The following GUCA2A variants were observed in gnomAD, a reference collection of about 807,000 sequenced individuals.
GUCA2A encodes the protein guanylin.
GUCA2A carries 17 observed loss-of-function variants against 11.2 expected under a neutral mutation model. The observed-to-expected ratio is 1.52, with a 90% CI of 1.04 to 2.28. The LOEUF (loss-of-function observed/expected upper bound fraction) is 2.28, where lower values mean the gene tolerates loss of function less well. Ranked by LOEUF, GUCA2A falls within the 30% of genes most tolerant of loss-of-function variation. The pLI is 0.00. For synonymous variants in GUCA2A, 64 were observed against 57.1 expected, an observed-to-expected ratio of 1.12 and a Z score of -0.54; for missense variants, 173 against 139.3, an observed-to-expected ratio of 1.24 and a Z score of -1.22.
chr1:42,164,167 C>T (rs1646142564), intron 1 of GUCA2A, among the ~76,000 whole-genome samples: 1 of 152,268 alleles, frequency 6.6e-6, no homozygotes, highest in Non-Finnish European at 1.5e-5. Flanking sequence ...TCTGTCAGGA[C>T]CTCCAGGGTG....
At chr1:42,163,085 C>G (rs1646136744) in intron 2 of GUCA2A, 115 bp from the exon 3 acceptor site, 15 of 824,738 alleles carry the variant, frequency 1.8e-5, no homozygotes, top group Non-Finnish European at 2.8e-5. Flanking sequence ...TCAGCAGGCC[C>G]GTACTCTGAC....
rs749000752 is a variant in GUCA2A at position 42,163,563 on chromosome 1, G to T, written c.123C>A (p.Asp41Glu). Residue 41 changes from aspartate to glutamate, a missense_variant, in exon 2 of 3, where the codon GAC (aspartate) becomes GAA (glutamate). Asp to Glu is a conservative substitution (Grantham distance 45). Transcript: ENST00000357001. ...FSLESVKKLK[D>E]LQEPQEPRVG... The stretch of plus-strand genomic sequence containing the variant: ...CCCTGGGCTCCTGGGGCTCCTGGAG[G>T]TCTTTGAGCTTCTTCACTGACTCCA... The T allele has an allele frequency of 6.2e-7, 1 of 1,613,630 alleles. No homozygotes were observed. The highest frequency in any genetic ancestry group is 2.2e-5 in the East Asian group (1 of 44,862).
At chr1:42,162,998 G>C (rs376534107) in intron 2 of GUCA2A, 28 bp from the exon 3 acceptor site, 72 of 1,593,704 alleles carry the variant, frequency 4.5e-5, no homozygotes, top group Non-Finnish European at 5.4e-5. Flanking sequence ...AGCCTCGTGA[G>C]AACCAGCATT....
At chr1:42,163,903 A>C (rs572839904) in intron 1 of GUCA2A, among the ~76,000 whole-genome samples, 11 of 152,346 alleles carry the variant, frequency 7.2e-5, no homozygotes, top group African/African-American at 2.6e-4. Context: ...AGTAGGAGCC[A>C]GTGTGCTGAT....
Position 42,164,625 on chromosome 1 carries a change from A to G in GUCA2A, c.75+13T>C. The G allele has an allele frequency of 6.6e-7, 1 of 1,517,400 alleles. No individual in the cohort carries two copies. Among genetic ancestry groups the G allele is most frequent in the East Asian group, 2.5e-5 (1 of 40,762 alleles). 94.0% of individuals were successfully genotyped at this position (1,517,400 alleles called of 1,614,324 possible). A position where few individuals can be genotyped will look rare whatever the true frequency, so the allele number is the denominator to read the frequency against. On this transcript the variant is annotated intron_variant, in intron 1 of 2. Coordinates refer to ENST00000357001, the MANE Select transcript of GUCA2A (RefSeq NM_033553.3). ...GGGAGCCAGCTGGGCCGGGGTAGGG[A>G]CACAGGACTCACCTGCACGGTGACC...
Position 42,163,534 on chromosome 1 carries a change from C to G in GUCA2A, c.152G>C (p.Gly51Ala), listed in dbSNP as rs765741878. The G allele has an allele frequency of 1.1e-5, 18 of 1,613,664 alleles. No individual in the cohort carries two copies. The highest frequency in any genetic ancestry group is 1.4e-5 in the Non-Finnish European group (17 of 1,179,704). ...GATGGGTGCAAAGTTCCTGAGTTTC[C>G]CAACCCTGGGCTCCTGGGGCTCCTG... ...DLQEPQEPRV[G>A]KLRNFAPIPG... The change falls in exon 2 of 3, where the codon GGG (glycine) becomes GCG (alanine). Residue 51 changes from glycine (G) to alanine (A), a missense_variant. Transcript: ENST00000357001.
Position 42,163,542 on chromosome 1 carries a change from GGGCTCCTGGGGC to G in GUCA2A, c.132_143del (p.Glu44_Pro48delinsAsp). On this transcript the variant is annotated inframe_deletion, in exon 2 of 3. Transcript: ENST00000357001. Reference sequence around the variant, plus strand: ...CAAAGTTCCTGAGTTTCCCAACCCTGGGCTCCTGGGGCTCCTGGAGGTCTTTGAGCTTCTTCA... The same window carrying G: ...CAAAGTTCCTGAGTTTCCCAACCCTGTCCTGGAGGTCTTTGAGCTTCTTCA... 6.2e-7 allele frequency: 1 copy of G among 1,613,394 alleles called. No individual in the cohort carries two copies. The highest frequency in any genetic ancestry group is 8.5e-7 in the Non-Finnish European group (1 of 1,179,352).
At position 42,163,374 on chromosome 1, in the gene GUCA2A, A is replaced by G. The variant is rs765797714; in HGVS notation, c.283+29T>C. The stretch of plus-strand genomic sequence containing the variant: ...TGCCACCACAGTATTCCCGAACCCC[A>G]CCAATCAGAGAGGAAGGAGGCTGCT... On this transcript the variant is annotated intron_variant, in intron 2 of 2. Transcript: ENST00000357001. 7 of 1,458,672 alleles carry G rather than the reference A, an allele frequency of 4.8e-6. No individual in the cohort carries two copies. In the Admixed American group the frequency reaches 1.2e-4, roughly 25 times the overall value. The allele number at this position is 1,458,672 out of a possible 1,614,324, so 90.4% of individuals were successfully genotyped here.
chr1:42,164,116 G>A (rs1277723169), intron 1 of GUCA2A, among the ~76,000 whole-genome samples: 2 of 152,274 alleles, frequency 1.3e-5, no homozygotes, highest in African/African-American at 4.8e-5. Context: ...CTAGGTGCCA[G>A]CTTGGCCTGT....
chr1:42,163,425 G>C lies in GUCA2A; in HGVS notation c.261C>G (p.Ala87=), dbSNP rs144332034. ...CACCCAGCCTCTGAAGTATCTCCTG[G>C]GCATTGGGCTCCTTGCAGAGAGGCT... is the stretch of plus-strand genomic sequence containing the variant. ...ELKPLCKEPN[A]QEILQRLEEI... The change falls in exon 2 of 3, where the codon GCC becomes GCG. Residue 87 remains alanine, a synonymous_variant. Coordinates refer to ENST00000357001, the MANE Select transcript of GUCA2A (RefSeq NM_033553.3). 36 of 1,612,522 alleles carry C rather than the reference G, an allele frequency of 2.2e-5. No homozygotes were observed. In the African/African-American group the frequency reaches 2.9e-4, roughly 13 times the overall value.
In GUCA2A at chr1:42,163,580, C is replaced by T; in HGVS notation, c.106G>A (p.Val36Met). Reference sequence around the variant, plus strand: ...TCCTGGAGGTCTTTGAGCTTCTTCACTGACTCCAGAGAAAAGGAGAAATTT... The same window carrying T: ...TCCTGGAGGTCTTTGAGCTTCTTCATTGACTCCAGAGAAAAGGAGAAATTT... ...DGNFSFSLES[V>M]KKLKDLQEPQ... Residue 36 changes from valine to methionine, a missense_variant, in exon 2 of 3, where the codon GTG becomes ATG. Transcript: ENST00000357001. The T allele has an allele frequency of 6.2e-7, 1 of 1,613,342 alleles. No homozygotes were observed. Among genetic ancestry groups the T allele is most frequent in the Non-Finnish European group, 8.5e-7 (1 of 1,179,468 alleles).
At chr1:42,163,367 G>T in intron 2 of GUCA2A, 36 bp downstream of exon 2, 1 of 1,365,298 alleles carries the variant, frequency 7.3e-7, no homozygotes, top group South Asian at 1.2e-5. Context: ...CAGTATTCCC[G>T]AACCCCACCA....
intron 1 of GUCA2A, among the ~76,000 whole-genome samples, chr1:42,163,869 C>T (rs1301354706): frequency 6.6e-6 from 1 of 152,208 alleles, no homozygotes; most frequent in African/African-American, 2.4e-5. Flanking sequence ...TGTGAAGCTC[C>T]AGGAACACCA....
At position 42,163,498 on chromosome 1, in the gene GUCA2A, G is replaced by A. The variant is rs2124027133; in HGVS notation, c.188C>T (p.Pro63Leu). ...LRNFAPIPGEPVVPILCSNPN... is the reference protein window; with the variant it reads ...LRNFAPIPGELVVPILCSNPN... ...GTTGCTACAGAGGATGGGAACCACA[G>A]GTTCACCAGGGATGGGTGCAAAGTT... Residue 63 changes from proline to leucine, a missense_variant, in exon 2 of 3, where the codon CCT (proline) becomes CTT (leucine). Coordinates refer to ENST00000357001, the MANE Select transcript of GUCA2A (RefSeq NM_033553.3). 6.2e-7 allele frequency: 1 copy of A among 1,613,628 alleles called. No homozygotes were observed. Among genetic ancestry groups the A allele is most frequent in the Non-Finnish European group, 8.5e-7 (1 of 1,179,496 alleles).
At chr1:42,164,319 T>A (rs1646143155) in intron 1 of GUCA2A, among the ~76,000 whole-genome samples, 1 of 152,206 alleles carries the variant, frequency 6.6e-6, no homozygotes. Flanking sequence ...GGACTAATGA[T>A]CCCTTTCTTC....
chr1:42,163,445 G>C lies in GUCA2A; in HGVS notation c.241C>G (p.Leu81Val). The change falls in exon 2 of 3, where the codon CTC becomes GTC. Residue 81 changes from leucine (L) to valine (V), a missense_variant. Transcript: ENST00000357001. ...TCCTGGGCATTGGGCTCCTTGCAGAGAGGCTTGAGTTCTTCTGGAAAGTTC... is the reference window on the plus strand; with the variant it reads ...TCCTGGGCATTGGGCTCCTTGCAGACAGGCTTGAGTTCTTCTGGAAAGTTC... The part of the protein sequence containing the change: ...NPNFPEELKP[L>V]CKEPNAQEIL... The C allele has an allele frequency of 6.2e-7, 1 of 1,613,998 alleles. No homozygotes were observed. The highest frequency in any genetic ancestry group is 8.5e-7 in the Non-Finnish European group (1 of 1,179,870).
In GUCA2A at chr1:42,163,638, G is replaced by A. The variant is rs565688782; in HGVS notation, c.76-28C>T. The A allele has an allele frequency of 2.0e-6, 3 of 1,510,652 alleles. No homozygotes were observed. In the East Asian group the frequency reaches 6.8e-5, roughly 34 times the overall value. The allele number at this position is 1,510,652 out of a possible 1,614,324, so 93.6% of individuals were successfully genotyped here. On this transcript the variant is annotated intron_variant, in intron 1 of 2. Transcript: ENST00000357001. The stretch of plus-strand genomic sequence containing the variant: ...GGAAGAGAGAAGCCCAGAGCATGAG[G>A]CCAGGCTGCAGCCTGCTTCCTGGCT...
In GUCA2A at chr1:42,164,616, G is replaced by A. The variant is rs764159134; in HGVS notation, c.75+22C>T. ...CTAGGGGCAGGGAGCCAGCTGGGCC[G>A]GGGTAGGGACACAGGACTCACCTGC... On this transcript the variant is annotated intron_variant, in intron 1 of 2. Coordinates refer to ENST00000357001, the MANE Select transcript of GUCA2A (RefSeq NM_033553.3). 18 of 1,470,904 alleles carry A rather than the reference G, an allele frequency of 1.2e-5. No homozygotes were observed. In the African/African-American group the frequency reaches 2.1e-4, roughly 17 times the overall value. The allele number at this position is 1,470,904 out of a possible 1,614,324, so 91.1% of individuals were successfully genotyped here. A position where few individuals can be genotyped will look rare whatever the true frequency, so the allele number is the denominator to read the frequency against.
chr1:42,162,843 C>T lies in GUCA2A; in HGVS notation c.*63G>A. 1 of 1,343,748 alleles carries T rather than the reference C, an allele frequency of 7.4e-7. No homozygotes were observed. Among genetic ancestry groups the T allele is most frequent in the Non-Finnish European group, 1.1e-6 (1 of 934,308 alleles). The allele number at this position is 1,343,748 out of a possible 1,614,324, so 83.2% of individuals were successfully genotyped here. On this transcript the variant is annotated 3_prime_UTR_variant, in exon 3 of 3. Transcript: ENST00000357001. ...CTGGGAGTGGAGTATCATGGGTGGC[C>T]CTTTCTGCAGGAGAAAAGAGCTTCC...
Sources: allele counts gnomAD v4.1 joint callset (sites outside exome capture counted in the v4.1 genomes callset), GRCh38; gene constraint gnomAD v4.1.1; transcripts MANE v1.5; gene names NCBI Gene and HGNC (gene_info 2026-07-23, HGNC 2026-07-21).